PITPNC1: variants seen among roughly 807,000 people sequenced by gnomAD.
The protein encoded by PITPNC1 is cytoplasmic phosphatidylinositol transfer protein 1.
In PITPNC1, 18 loss-of-function variants were observed where a neutral mutation model predicts 44.7. The observed-to-expected ratio is 0.40, with a 90% CI of 0.28 to 0.60. PITPNC1 has a LOEUF of 0.60. Ranked by LOEUF, PITPNC1 falls within the 20% of genes least tolerant of loss-of-function variation. The pLI is 0.39. For missense variants in PITPNC1, 290 were observed against 418.4 expected (o/e 0.69, Z 2.68); for synonymous variants, 141 against 149.6 (o/e 0.94, Z 0.42).
chr17:67,379,580 G>A (rs948479805), intron 1 of PITPNC1, among the ~76,000 whole-genome samples: 1 of 152,104 alleles, frequency 6.6e-6, no homozygotes, highest in Admixed American at 6.5e-5. Flanking sequence ...TGCCAGGTGG[G>A]TAGACAGAGA....
chr17:67,570,266 A>G (rs2041034898), intron 4 of PITPNC1, among the ~76,000 whole-genome samples: 1 of 152,206 alleles, frequency 6.6e-6, no homozygotes, highest in African/African-American at 2.4e-5. Context: ...AGCTCAGAGA[A>G]GAGGCCAGTG....
At chr17:67,585,378 G>A (rs1327681247) in intron 5 of PITPNC1, among the ~76,000 whole-genome samples, 3 of 152,142 alleles carry the variant, frequency 2.0e-5, no homozygotes, top group Non-Finnish European at 4.4e-5. Flanking sequence ...TTCATACGTG[G>A]AAGCTTTAGA....
At chr17:67,462,966 T>G (rs1251250063) in intron 1 of PITPNC1, among the ~76,000 whole-genome samples, 1 of 152,254 alleles carries the variant, frequency 6.6e-6, no homozygotes, top group Non-Finnish European at 1.5e-5. Context: ...CCTCCCAAAG[T>G]GCTAGGATTA....
At chr17:67,474,829 T>C (rs968992407) in intron 1 of PITPNC1, among the ~76,000 whole-genome samples, 1 of 151,778 alleles carries the variant, frequency 6.6e-6, no homozygotes, top group African/African-American at 2.4e-5. Flanking sequence ...GGCTTTTTTT[T>C]TTTTCTTGAA....
chr17:67,464,143 A>T (rs1042832322), intron 1 of PITPNC1, among the ~76,000 whole-genome samples: 1 of 151,916 alleles, frequency 6.6e-6, no homozygotes, highest in African/African-American at 2.4e-5. Flanking sequence ...CAGTGAGCAG[A>T]GATCACGCCA....
At chr17:67,446,512 T>C (rs1342101249) in intron 1 of PITPNC1, among the ~76,000 whole-genome samples, 5 of 141,830 alleles carry the variant, frequency 3.5e-5, no homozygotes, top group African/African-American at 1.4e-4. Context: ...ATTTCTTTCC[T>C]CATTAAGGTT....
At chr17:67,448,428 C>T (rs748126274) in intron 1 of PITPNC1, among the ~76,000 whole-genome samples, 3 of 152,162 alleles carry the variant, frequency 2.0e-5, no homozygotes, top group Non-Finnish European at 4.4e-5. Flanking sequence ...GGCAGCTTCC[C>T]TGACTTGCAG....
intron 1 of PITPNC1, among the ~76,000 whole-genome samples, chr17:67,466,600 C>G (rs2039431575): frequency 6.6e-6 from 1 of 152,116 alleles, no homozygotes; most frequent in Non-Finnish European, 1.5e-5. Flanking sequence ...TCTAAGAGTC[C>G]CACTTCAAAG....
intron 4 of PITPNC1, among the ~76,000 whole-genome samples, chr17:67,560,834 A>G (rs2040897553): frequency 6.6e-6 from 1 of 152,196 alleles, no homozygotes; most frequent in Non-Finnish European, 1.5e-5. Context: ...AAAACATAAC[A>G]TTTTAAAATT....
At chr17:67,382,338 GGTGTGTGTGTGTGTGT>G (rs112100189) in intron 1 of PITPNC1, among the ~76,000 whole-genome samples, 3 of 146,198 alleles carry the variant, frequency 2.1e-5, no homozygotes, top group East Asian at 2.0e-4. Context: ...GGGGTTTTTT[GGTGTGTGTGTGTGTGT>G]GTGTGTGTGT....
In PITPNC1 at chr17:67,607,417, G is replaced by A. The variant is rs75263400; in HGVS notation, c.367-24726G>A. On this transcript the variant is annotated intron_variant, in intron 5 of 8. Coordinates refer to ENST00000581322, the MANE Select transcript of PITPNC1 (RefSeq NM_012417.4). The stretch of plus-strand genomic sequence containing the variant: ...AGTGCTGACTGCCCATAGCTTGACC[G>A]CTGCAGATGGACAGGGGGTGCTCTG... 9.8e-3 allele frequency among the ~76,000 whole-genome samples: 1,490 copies of A among 152,308 alleles called. 33 individuals are homozygous for A. Among genetic ancestry groups the A allele is most frequent in the African/African-American group, 0.033 (1,389 of 41,570 alleles).
chr17:67,588,478 C>G (rs1458487841), intron 5 of PITPNC1, among the ~76,000 whole-genome samples: 1 of 152,140 alleles, frequency 6.6e-6, no homozygotes, highest in African/African-American at 2.4e-5. Flanking sequence ...CATGAAATCT[C>G]ATACCGTCCT....
intron 1 of PITPNC1, among the ~76,000 whole-genome samples, chr17:67,509,416 A>C (rs1272762507): frequency 2.0e-5 from 3 of 151,910 alleles, no homozygotes; most frequent in African/African-American, 7.3e-5. Context: ...GCACGCCTGT[A>C]ATCCCAGCCA....
intron 1 of PITPNC1, among the ~76,000 whole-genome samples, chr17:67,490,531 G>C (rs1333007323): frequency 6.6e-6 from 1 of 152,166 alleles, no homozygotes; most frequent in East Asian, 1.9e-4. Context: ...GAGAGCCCCC[G>C]GGTGTGAACC....
intron 2 of PITPNC1, among the ~76,000 whole-genome samples, chr17:67,549,760 C>G (rs1227235941): frequency 6.6e-6 from 1 of 152,088 alleles, no homozygotes; most frequent in Non-Finnish European, 1.5e-5. Flanking sequence ...GTAGATGGAA[C>G]CCCTGCCCAC....
intron 5 of PITPNC1, among the ~76,000 whole-genome samples, chr17:67,619,573 G>A (rs181089054): frequency 1.8e-4 from 27 of 152,218 alleles, no homozygotes; most frequent in African/African-American, 5.8e-4. Flanking sequence ...GTGTGCCAGC[G>A]TCCTCGCTTA....
intron 1 of PITPNC1, among the ~76,000 whole-genome samples, chr17:67,442,204 CATATATATATATAT>C (rs10526037): frequency 0.013 from 696 of 54,240 alleles, 26 homozygotes; most frequent in Middle Eastern, 0.069. Context: ...GGAAAATAAG[CATATATATATATAT>C]ATATATATAT....
chr17:67,574,592 C>T (rs1258440657), intron 4 of PITPNC1, among the ~76,000 whole-genome samples: 2 of 152,112 alleles, frequency 1.3e-5, no homozygotes, highest in Non-Finnish European at 1.5e-5. Flanking sequence ...GCTAAGCTTC[C>T]GCTAGGATTA....
At chr17:67,517,333 G>A (rs1482637578) in intron 1 of PITPNC1, among the ~76,000 whole-genome samples, 1 of 152,180 alleles carries the variant, frequency 6.6e-6, no homozygotes, top group Non-Finnish European at 1.5e-5. Flanking sequence ...AAGAAAATAT[G>A]AGATGTTGCA....
Sources: gnomAD v4.1 joint callset for allele counts (sites outside exome capture counted in the v4.1 genomes callset) on GRCh38, gnomAD v4.1.1 for gene constraint, MANE v1.5 for transcripts, NCBI Gene and HGNC (gene_info 2026-07-23, HGNC 2026-07-21) for gene names.